FAM135A: variants seen among roughly 807,000 people sequenced by gnomAD.
The protein encoded by FAM135A is protein FAM135A.
A neutral mutation model predicts 146.8 loss-of-function variants in FAM135A; 79 were observed. The observed-to-expected ratio is 0.54, with a 90% confidence interval of 0.45 to 0.65. The LOEUF is 0.65. Ranked by LOEUF, FAM135A falls within the 30% of genes least tolerant of loss-of-function variation. FAM135A has a pLI of 0.00. For synonymous variants in FAM135A, 562 were observed against 603.6 expected (o/e 0.93, Z 1.01); for missense variants, 1,623 against 1,758.2 (o/e 0.92, Z 1.38).
intron 4 of FAM135A, among the ~76,000 whole-genome samples, chr6:70,440,430 T>A (rs1369447531): frequency 6.6e-6 from 1 of 152,168 alleles, no homozygotes; most frequent in East Asian, 1.9e-4. Context: ...CTCACACTTG[T>A]AATCCCAGCA....
intron 20 of FAM135A, among the ~76,000 whole-genome samples, chr6:70,538,805 G>GTTATATTATATTATATTATA (rs57363541): frequency 2.8e-4 from 32 of 112,856 alleles, no homozygotes; most frequent in East Asian, 1.3e-3. Context: ...ATTATGTTAT[G>GTTATATTATATTATATTATA]TTATATTATA....
chr6:70,526,474 T>A lies in FAM135A; in HGVS notation c.3390T>A (p.Ser1130=). The A allele has an allele frequency of 6.2e-7, 1 of 1,613,404 alleles. No individual in the cohort carries two copies. Among genetic ancestry groups the A allele is most frequent in the East Asian group, 2.2e-5 (1 of 44,860 alleles). Residue 1130 remains serine (S), a synonymous_variant, in exon 15 of 22, where the codon TCT becomes TCA. Transcript: ENST00000418814. Reference sequence around the variant, plus strand: ...TAATGGAAGAAAGACTTACAAAATCTGAAAAAATAAACAGTGACTATCTGA... The same window carrying A: ...TAATGGAAGAAAGACTTACAAAATCAGAAAAAATAAACAGTGACTATCTGA... ...DELMEERLTK[S]EKINSDYLRD...
intron 5 of FAM135A, among the ~76,000 whole-genome samples, chr6:70,464,843 T>C (rs1452473837): frequency 1.5e-5 from 2 of 134,044 alleles, no homozygotes; most frequent in Non-Finnish European, 3.1e-5. Flanking sequence ...ATTTTTTTTT[T>C]TTTTTTTTTT....
intron 11 of FAM135A, 30 bp downstream of exon 11, chr6:70,491,113 A>C (rs1785850394): frequency 6.5e-7 from 1 of 1,540,118 alleles, no homozygotes. Context: ...TCACATCATC[A>C]AGTTATTTGA....
rs1773019546 is a variant in FAM135A, at chr6:70,435,954, C to T, written c.77+7535C>T. Among the ~76,000 whole-genome samples, 4 of 152,242 alleles carry T rather than the reference C, an allele frequency of 2.6e-5. No homozygotes were observed. The South Asian group carries it at 6.2e-4, about 24-fold the overall frequency. ...ATCCCAGCACTTTGGGAGGCCGAAG[C>T]AGGCTGATCACCTGAGGTCAGGAGT... On this transcript the variant is annotated intron_variant, in intron 4 of 21. Transcript: ENST00000418814.
chr6:70,524,849 G>A lies in FAM135A; in HGVS notation c.1765G>A (p.Asp589Asn). 6.3e-7 allele frequency: 1 copy of A among 1,595,920 alleles called. No individual in the cohort carries two copies. ...NTERTEQKSP[D>N]IENVQPDQFD... ...AGAGAGAACTGAACAAAAGTCTCCAGATATTGAAAATGTTCAACCAGACCA... is the reference window on the plus strand; with the variant it reads ...AGAGAGAACTGAACAAAAGTCTCCAAATATTGAAAATGTTCAACCAGACCA... Residue 589 changes from aspartate to asparagine, a missense_variant, in exon 15 of 22, where the codon GAT becomes AAT. Asp to Asn is a conservative substitution (Grantham distance 23). This residue lies in a region of FAM135A where 1,061 missense variants were observed against 1,113.8 expected (regional missense o/e 0.95). Coordinates refer to ENST00000418814, the MANE Select transcript of FAM135A (RefSeq NM_001162529.3).
At chr6:70,511,141 G>A (rs1455074469) in intron 12 of FAM135A, among the ~76,000 whole-genome samples, 2 of 151,798 alleles carry the variant, frequency 1.3e-5, no homozygotes, top group African/African-American at 2.4e-5. Context: ...TTGTCTTTTT[G>A]TTGTTGAGTT....
At chr6:70,481,872 C>T (rs1783765992) in intron 9 of FAM135A, 129 bp from the exon 10 acceptor site, 1 of 864,448 alleles carries the variant, frequency 1.2e-6, no homozygotes, top group African/African-American at 1.8e-5. Flanking sequence ...AATATTACCA[C>T]ATTTTTTATA....
intron 12 of FAM135A, chr6:70,504,712 C>G (rs1259250526): frequency 1.3e-5 from 2 of 152,182 alleles, no homozygotes; most frequent in Non-Finnish European, 2.9e-5. Flanking sequence ...AGCAGTGGCT[C>G]ACACTGTCCC....
rs1226805909 is a variant in FAM135A, at chr6:70,475,403, GT to G, written c.158-3del. 1 of 1,564,224 alleles carries G rather than the reference GT, an allele frequency of 6.4e-7. No individual in the cohort carries two copies. The highest frequency in any genetic ancestry group is 1.4e-5 in the African/African-American group (1 of 73,042). On this transcript the variant is annotated splice_region_variant and splice_polypyrimidine_tract_variant and intron_variant, in intron 5 of 21. Coordinates refer to ENST00000418814, the MANE Select transcript of FAM135A (RefSeq NM_001162529.3). ...TATCTGTCAATTACATATCTTATCT[GT>G]TTTAGGTATGACTTTAGCCTTTCCA...
intron 20 of FAM135A, among the ~76,000 whole-genome samples, chr6:70,547,133 T>C (rs556754588): frequency 6.6e-6 from 1 of 152,286 alleles, no homozygotes; most frequent in African/African-American, 2.4e-5. Flanking sequence ...AGCTGTTGAA[T>C]TCTGACAAAT....
intron 4 of FAM135A, among the ~76,000 whole-genome samples, chr6:70,430,285 C>T (rs778539869): frequency 5.9e-5 from 9 of 151,556 alleles, no homozygotes; most frequent in African/African-American, 9.7e-5. Flanking sequence ...TTCAGTGAGC[C>T]GACACGGTGC....
At position 70,524,592 on chromosome 6, in the gene FAM135A, C is replaced by G. The variant is rs1302432447; in HGVS notation, c.1508C>G (p.Ser503Cys). Reference protein sequence around the residue: ...KVTKLMKTMKSENTKKLIKQN... With the variant: ...KVTKLMKTMKCENTKKLIKQN... ...ACTAAGCTTATGAAAACAATGAAAT[C>G]TGAAAACACAAAAAAATTAATAAAA... is the stretch of plus-strand genomic sequence containing the variant. The change falls in exon 15 of 22, where the codon TCT becomes TGT. Residue 503 changes from serine to cysteine, a missense_variant. By Grantham distance (112) the Ser-to-Cys change is moderately radical. This residue lies in a region of FAM135A where 1,061 missense variants were observed against 1,113.8 expected (regional missense o/e 0.95). Transcript: ENST00000418814. 6.5e-7 allele frequency: 1 copy of G among 1,541,956 alleles called. No individual in the cohort carries two copies. The highest frequency in any genetic ancestry group is 8.7e-7 in the Non-Finnish European group (1 of 1,144,578).
chr6:70,488,976 T>C (rs1785278339), intron 10 of FAM135A, among the ~76,000 whole-genome samples: 1 of 152,192 alleles, frequency 6.6e-6, no homozygotes, highest in Non-Finnish European at 1.5e-5. Context: ...AGAGTTAAAT[T>C]ATGCTTTTAA....
At chr6:70,421,652 G>A (rs1768884551) in intron 2 of FAM135A, among the ~76,000 whole-genome samples, 1 of 152,112 alleles carries the variant, frequency 6.6e-6, no homozygotes, top group African/African-American at 2.4e-5. Context: ...TTTTGGATTG[G>A]TGTTTGTAGT....
intron 7 of FAM135A, among the ~76,000 whole-genome samples, 173 bp downstream of exon 7, chr6:70,475,906 C>G (rs571469638): frequency 1.3e-5 from 2 of 152,202 alleles, no homozygotes; most frequent in Admixed American, 6.5e-5. Flanking sequence ...GTGCCCATGC[C>G]GAATCCATGA....
At chr6:70,512,070 GA>G (rs1167706556) in intron 12 of FAM135A, among the ~76,000 whole-genome samples, 4 of 151,936 alleles carry the variant, frequency 2.6e-5, no homozygotes, top group African/African-American at 9.7e-5. Context: ...AATACTTCAA[GA>G]AAATTATTTC....
intron 16 of FAM135A, among the ~76,000 whole-genome samples, chr6:70,531,782 G>A (rs376813039): frequency 5.9e-5 from 9 of 151,350 alleles, no homozygotes; most frequent in Non-Finnish European, 1.2e-4. Flanking sequence ...TAAAGCCTCC[G>A]TTATTTCACC....
At chr6:70,471,157 T>C (rs1443440683) in intron 5 of FAM135A, among the ~76,000 whole-genome samples, 2 of 152,180 alleles carry the variant, frequency 1.3e-5, no homozygotes, top group South Asian at 4.1e-4. Flanking sequence ...ATTCAGTTTG[T>C]GGGTACAAGT....
Sources: gnomAD v4.1 joint callset for allele counts (sites outside exome capture counted in the v4.1 genomes callset) on GRCh38, gnomAD v4.1.1 for gene constraint, gnomAD v4.1.1 regional missense constraint, MANE v1.5 for transcripts, NCBI Gene and HGNC (gene_info 2026-07-23, HGNC 2026-07-21) for gene names.